The following MTOR variants were observed in gnomAD, a reference collection of about 807,000 sequenced individuals.
The protein encoded by MTOR is serine/threonine-protein kinase mTOR.
In MTOR, 70 loss-of-function variants were observed where a neutral mutation model predicts 319.8. That is an observed-to-expected ratio of 0.22 (90% CI 0.18 to 0.27). The LOEUF (loss-of-function observed/expected upper bound fraction) is 0.27. Ranked by LOEUF, MTOR falls within the 10% of genes least tolerant of loss-of-function variation. The pLI is 1.00. For synonymous variants in MTOR, 1,183 were observed against 1,211.4 expected, an observed-to-expected ratio of 0.98 and a Z score of 0.49; for missense variants, 1,890 against 3,274.4, an observed-to-expected ratio of 0.58 and a Z score of 10.32.
In MTOR at chr1:11,129,712, A is replaced by G; in HGVS notation, c.5714+26T>C. 6.3e-7 allele frequency: 1 copy of G among 1,596,500 alleles called. No individual in the cohort carries two copies. The highest frequency in any genetic ancestry group is 8.6e-7 in the Non-Finnish European group (1 of 1,164,442). Reference sequence around the variant, plus strand: ...TCTTGCCATTAACATGGCCTACCAGAGTTGCATCCTTCCCTTCTCTGATAC... The same window carrying G: ...TCTTGCCATTAACATGGCCTACCAGGGTTGCATCCTTCCCTTCTCTGATAC... On this transcript the variant is annotated intron_variant, in intron 40 of 57. Transcript: ENST00000361445. This position sits in a 1 kb window ranked among gnomAD's most constrained non-coding sequence, Gnocchi z 4.7.
intron 1 of MTOR, among the ~76,000 whole-genome samples, chr1:11,261,906 T>C (rs534335061): frequency 1.3e-5 from 2 of 152,282 alleles, no homozygotes; most frequent in Admixed American, 1.3e-4. Context: ...CAATTAAACT[T>C]AGGATATCTG....
chr1:11,158,762 C>A (rs1644389454), intron 29 of MTOR, among the ~76,000 whole-genome samples: 1 of 151,796 alleles, frequency 6.6e-6, no homozygotes, highest in Non-Finnish European at 1.5e-5. Context: ...GTGGCATACA[C>A]TCAGCATGAA....
Position 11,106,839 on chromosome 1 carries a change from G to T in MTOR, c.*646C>A. ...TCTGTGCATCTGCTCAGCCGAGGCT[G>T]CCAGCGATCTGAATAAACCTCCCTA... On this transcript the variant is annotated 3_prime_UTR_variant, in exon 58 of 58. Coordinates refer to ENST00000361445, the MANE Select transcript of MTOR (RefSeq NM_004958.4). 7.6e-7 allele frequency: 1 copy of T among 1,310,004 alleles called. No individual in the cohort carries two copies. Among genetic ancestry groups the T allele is most frequent in the Non-Finnish European group, 9.9e-7 (1 of 1,008,354 alleles). 81.1% of individuals were successfully genotyped at this position (1,310,004 alleles called of 1,614,324 possible).
intron 28 of MTOR, chr1:11,195,096 G>A: frequency 6.7e-7 from 1 of 1,498,064 alleles, no homozygotes; most frequent in Non-Finnish European, 9.1e-7. Flanking sequence ...ATGAGGACAG[G>A]AAGAGAGTGT....
rs780636306 is a variant in MTOR at position 11,181,382 on chromosome 1, G to A, written c.4254-13865C>T. On this transcript the variant is annotated intron_variant, in intron 28 of 57. Coordinates refer to ENST00000361445, the MANE Select transcript of MTOR (RefSeq NM_004958.4). ...TGATTTAAAAAATGGGGTCAAAGCCGGATGTAGTGGTGGGCACCTGTAATT... is the reference window on the plus strand; with the variant it reads ...TGATTTAAAAAATGGGGTCAAAGCCAGATGTAGTGGTGGGCACCTGTAATT... Among the ~76,000 whole-genome samples the A allele has an allele frequency of 7.2e-5, 11 of 152,182 alleles. No homozygotes were observed. The Middle Eastern group carries it at 0.01, about 141-fold the overall frequency.
chr1:11,154,521 C>A (rs548992295), intron 30 of MTOR, among the ~76,000 whole-genome samples: 210 of 148,502 alleles, frequency 1.4e-3, no homozygotes, highest in African/African-American at 4.4e-3. Context: ...TTATCTCTCT[C>A]TCTATATATA....
intron 29 of MTOR, among the ~76,000 whole-genome samples, chr1:11,161,413 G>A (rs1227097896): frequency 5.3e-5 from 8 of 152,208 alleles, no homozygotes; most frequent in South Asian, 2.1e-4. Flanking sequence ...AAATGTCCCC[G>A]TCTGACACCT....
At chr1:11,108,356 C>T (rs1641678887) in intron 56 of MTOR, 70 bp from the exon 57 acceptor site, 3 of 1,170,490 alleles carry the variant, frequency 2.6e-6, no homozygotes, top group African/African-American at 1.5e-5. Context: ...TCCCTGTGGG[C>T]TTAACTGTCT....
chr1:11,128,771 G>T lies in MTOR; in HGVS notation c.5811+84C>A. On this transcript the variant is annotated intron_variant, in intron 41 of 57. Coordinates refer to ENST00000361445, the MANE Select transcript of MTOR (RefSeq NM_004958.4). The surrounding 1 kb of genome is among the most constrained non-coding windows in gnomAD (Gnocchi z 5.3). ...ACTGTATTAACACACACTGCCTTGT[G>T]ACACTGAACACAGCATGCTTGTAAG... 8.1e-7 allele frequency: 1 copy of T among 1,230,832 alleles called. No homozygotes were observed. Among genetic ancestry groups the T allele is most frequent in the Non-Finnish European group, 1.2e-6 (1 of 845,942 alleles). 76.2% of individuals were successfully genotyped at this position (1,230,832 alleles called of 1,614,324 possible). A position where few individuals can be genotyped will look rare whatever the true frequency, so the allele number is the denominator to read the frequency against.
chr1:11,236,595 C>T (rs1647259983), intron 13 of MTOR, among the ~76,000 whole-genome samples: 1 of 151,600 alleles, frequency 6.6e-6, no homozygotes, highest in South Asian at 2.1e-4. Context: ...GCAACCTTCA[C>T]CTCCTGGGTT....
intron 29 of MTOR, among the ~76,000 whole-genome samples, chr1:11,158,402 G>A (rs12130110): frequency 0.051 from 7,770 of 152,152 alleles, 274 homozygotes; most frequent in South Asian, 0.12. Context: ...TCTGAAAAGA[G>A]GTCATTTATG....
chr1:11,133,205 C>G lies in MTOR; in HGVS notation c.5247-8G>C. Reference sequence around the variant, plus strand: ...CCAAGTTTCAGGAAGCATCTGGAAGCAGAGAAACAAGCCCCCATGACATTC... The same window carrying G: ...CCAAGTTTCAGGAAGCATCTGGAAGGAGAGAAACAAGCCCCCATGACATTC... On this transcript the variant is annotated splice_region_variant and splice_polypyrimidine_tract_variant and intron_variant, in intron 37 of 57. Coordinates refer to ENST00000361445, the MANE Select transcript of MTOR (RefSeq NM_004958.4). This position sits in a 1 kb window ranked among gnomAD's most constrained non-coding sequence, Gnocchi z 4.0. 6 of 1,612,944 alleles carry G rather than the reference C, an allele frequency of 3.7e-6. No individual in the cohort carries two copies. Among genetic ancestry groups the G allele is most frequent in the Non-Finnish European group, 5.1e-6 (6 of 1,178,930 alleles).
intron 19 of MTOR, among the ~76,000 whole-genome samples, chr1:11,224,342 G>A (rs1391797584): frequency 6.6e-6 from 1 of 152,006 alleles, no homozygotes; most frequent in African/African-American, 2.4e-5. Flanking sequence ...AAGGATTATT[G>A]CATAATGATA....
chr1:11,107,976 C>T (rs369349469), intron 57 of MTOR, among the ~76,000 whole-genome samples: 38 of 152,312 alleles, frequency 2.5e-4, no homozygotes, highest in Middle Eastern at 3.4e-3. Context: ...TTAGTGTTTG[C>T]CTTCCAAGTA....
chr1:11,230,760 C>T (rs1646989305), intron 18 of MTOR, among the ~76,000 whole-genome samples, 165 bp downstream of exon 18: 1 of 152,186 alleles, frequency 6.6e-6, no homozygotes, highest in South Asian at 2.1e-4. Context: ...AGCAGCAACC[C>T]TTCCGGGATT....
Position 11,237,857 on chromosome 1 carries a change from T to C in MTOR, c.2194A>G (p.Lys732Glu), listed in dbSNP as rs1647420290. 1 of 1,613,828 alleles carries C rather than the reference T, an allele frequency of 6.2e-7. No homozygotes were observed. The highest frequency in any genetic ancestry group is 1.3e-5 in the African/African-American group (1 of 74,904). The change falls in exon 13 of 58, where the codon AAG becomes GAG. Residue 732 changes from lysine (K) to glutamate (E), a missense_variant. Transcript: ENST00000361445. ...ACCTCGGTTACCTGGATGAGCATCT[T>C]GCGCAGGAAAGGCATGACAAAGGCA... is the stretch of plus-strand genomic sequence containing the variant. ...NPAFVMPFLR[K>E]MLIQILTELE...
intron 29 of MTOR, among the ~76,000 whole-genome samples, chr1:11,166,921 A>T (rs1043981486): frequency 2.0e-5 from 3 of 152,210 alleles, no homozygotes; most frequent in Non-Finnish European, 2.9e-5. Context: ...AGCCATAAAA[A>T]AGGATGAGTT....
At chr1:11,136,239 A>G (rs1276392413) in intron 36 of MTOR, among the ~76,000 whole-genome samples, 6 of 152,216 alleles carry the variant, frequency 3.9e-5, no homozygotes, top group African/African-American at 1.2e-4. Flanking sequence ...GCTTTTCAAT[A>G]TAAGGAATTA....
At chr1:11,107,563 A>G in intron 57 of MTOR, 63 bp from the exon 58 acceptor site, 1 of 1,574,532 alleles carries the variant, frequency 6.4e-7, no homozygotes, top group Middle Eastern at 1.7e-4. Flanking sequence ...GTTTACACAG[A>G]TAACTTGAAA....
Sources: gnomAD v4.1 joint callset for allele counts (sites outside exome capture counted in the v4.1 genomes callset) on GRCh38, gnomAD v4.1.1 for gene constraint, Gnocchi (gnomAD v3.1) non-coding constraint, MANE v1.5 for transcripts, NCBI Gene and HGNC (gene_info 2026-07-23, HGNC 2026-07-21) for gene names.